The following VPS13B variants were observed in gnomAD, a reference collection of about 807,000 sequenced individuals.
VPS13B encodes the protein intermembrane lipid transfer protein VPS13B.
Under a neutral mutation model 426.4 loss-of-function variants are expected in VPS13B, and 285 were observed. The ratio of observed to expected loss-of-function variants is 0.67; its 90% CI spans 0.61 to 0.74. VPS13B has a LOEUF of 0.74. Among genes scored for constraint, VPS13B ranks in the 30% least tolerant of loss-of-function variants. VPS13B has a pLI of 0.00. For missense variants in VPS13B, 4,537 were observed against 4,782.6 expected, an observed-to-expected ratio of 0.95 and a Z score of 1.51; for synonymous variants, 1,676 against 1,676.4, an observed-to-expected ratio of 1.00 and a Z score of 0.01.
chr8:99,814,865 A>T (rs2130803013), intron 44 of VPS13B, among the ~76,000 whole-genome samples: 1 of 152,252 alleles, frequency 6.6e-6, no homozygotes, highest in East Asian at 1.9e-4. Context: ...TTTCTTTTTT[A>T]TGGTTTCTAA....
intron 16 of VPS13B, among the ~76,000 whole-genome samples, chr8:99,180,749 A>G (rs1269566987): frequency 2.6e-5 from 4 of 152,188 alleles, no homozygotes; most frequent in Non-Finnish European, 5.9e-5. Flanking sequence ...TGTGACTGCA[A>G]CATAGTAAAG....
chr8:99,208,709 A>G (rs1814888434), intron 17 of VPS13B, among the ~76,000 whole-genome samples: 1 of 152,230 alleles, frequency 6.6e-6, no homozygotes, highest in African/African-American at 2.4e-5. Flanking sequence ...TCATGATAAA[A>G]GTCTTATTAT....
chr8:99,086,214 T>A (rs1474928258), intron 3 of VPS13B, among the ~76,000 whole-genome samples: 1 of 152,202 alleles, frequency 6.6e-6, no homozygotes, highest in Non-Finnish European at 1.5e-5. Context: ...TCATTTGATC[T>A]CCCATCACTG....
chr8:99,178,335 C>T (rs1812753651), intron 16 of VPS13B, among the ~76,000 whole-genome samples: 1 of 138,402 alleles, frequency 7.2e-6, no homozygotes, highest in African/African-American at 2.7e-5. Context: ...AACAAATAAT[C>T]ATTGGCGGTT....
At chr8:99,026,755 G>C (rs1199755295) in intron 2 of VPS13B, among the ~76,000 whole-genome samples, 3 of 152,032 alleles carry the variant, frequency 2.0e-5, no homozygotes, top group Non-Finnish European at 4.4e-5. Context: ...CTGATATAAG[G>C]ATAACTACTC....
chr8:99,251,730 G>T (rs913010502), intron 17 of VPS13B, among the ~76,000 whole-genome samples: 1 of 151,998 alleles, frequency 6.6e-6, no homozygotes, highest in Non-Finnish European at 1.5e-5. Context: ...TGTCCTGAAA[G>T]ATATTGTGTA....
chr8:99,567,021 A>G (rs533827258), intron 31 of VPS13B, among the ~76,000 whole-genome samples: 1 of 152,130 alleles, frequency 6.6e-6, no homozygotes, highest in East Asian at 1.9e-4. Flanking sequence ...TCATCCTCCC[A>G]AAGCACTGGA....
At chr8:99,649,002 T>A (rs996126077) in intron 34 of VPS13B, among the ~76,000 whole-genome samples, 3 of 152,088 alleles carry the variant, frequency 2.0e-5, no homozygotes, top group African/African-American at 7.2e-5. Flanking sequence ...TGTAAAATTC[T>A]GGGTTGACAT....
chr8:99,028,188 C>G (rs1480317893), intron 2 of VPS13B, among the ~76,000 whole-genome samples: 3 of 151,912 alleles, frequency 2.0e-5, no homozygotes, highest in African/African-American at 7.3e-5. Flanking sequence ...TCCACAAAAC[C>G]GCCATTGTCA....
rs559765983 is a variant in VPS13B at position 99,873,638 on chromosome 8, A to G, written c.11746-1780A>G. 5.9e-5 allele frequency among the ~76,000 whole-genome samples: 9 copies of G among 152,314 alleles called. No homozygotes were observed. In the South Asian group the frequency reaches 1.2e-3, roughly 21 times the overall value. The stretch of plus-strand genomic sequence containing the variant: ...CTCTCTCCTGAAGTCATTAATAGGA[A>G]TAACTGCTGCCTTAATCCTATGTCT... On this transcript the variant is annotated intron_variant, in intron 61 of 61. Transcript: ENST00000357162.
At chr8:99,530,294 T>C (rs1269665902) in intron 30 of VPS13B, among the ~76,000 whole-genome samples, 1 of 152,180 alleles carries the variant, frequency 6.6e-6, no homozygotes. Flanking sequence ...CCTACCTTTA[T>C]GCAATTATAA....
At position 99,467,639 on chromosome 8, in the gene VPS13B, G is replaced by A. The variant is rs371568459; in HGVS notation, c.3666+5G>A. 25 of 1,606,950 alleles carry A rather than the reference G, an allele frequency of 1.6e-5. No homozygotes were observed. The highest frequency in any genetic ancestry group is 2.0e-5 in the Non-Finnish European group (24 of 1,179,066). On this transcript the variant is annotated splice_donor_5th_base_variant and intron_variant, in intron 24 of 61. Transcript: ENST00000357162. ...ATAAAATGCTCTAATCCCCAGGTTG[G>A]TACATTTGATTTATGAAAGGAAATT...
chr8:99,731,601 C>T (rs78570065), intron 39 of VPS13B, among the ~76,000 whole-genome samples: 123 of 151,964 alleles, frequency 8.1e-4, no homozygotes, highest in African/African-American at 2.9e-3. Context: ...TCAGGAGAGA[C>T]CAGAATAAGA....
chr8:99,554,412 C>T (rs1023757895), intron 30 of VPS13B, among the ~76,000 whole-genome samples: 2 of 151,890 alleles, frequency 1.3e-5, no homozygotes, highest in African/African-American at 4.8e-5. Flanking sequence ...TTTATGTGGC[C>T]CTGATTCAAA....
At chr8:99,113,234 G>T (rs1221598368) in intron 6 of VPS13B, among the ~76,000 whole-genome samples, 1 of 152,060 alleles carries the variant, frequency 6.6e-6, no homozygotes, top group African/African-American at 2.4e-5. Flanking sequence ...AAGTAGCTAG[G>T]ACTACAGGCG....
intron 35 of VPS13B, chr8:99,695,951 C>A (rs1831972412): frequency 1.3e-5 from 2 of 152,248 alleles, no homozygotes; most frequent in African/African-American, 4.8e-5. Flanking sequence ...ACCCAGAAGT[C>A]CAACTGCTGC....
intron 31 of VPS13B, among the ~76,000 whole-genome samples, chr8:99,562,761 G>A (rs748228221): frequency 7.9e-5 from 12 of 151,962 alleles, no homozygotes; most frequent in Admixed American, 1.3e-4. Context: ...ATGGGTTTCC[G>A]GTTGTGCTGT....
At chr8:99,089,308 GCCTT>G (rs1201890443) in intron 3 of VPS13B, among the ~76,000 whole-genome samples, 3 of 152,180 alleles carry the variant, frequency 2.0e-5, no homozygotes, top group Admixed American at 6.5e-5. Context: ...ATCCATCCCT[GCCTT>G]CCTTCCTTCT....
intron 2 of VPS13B, among the ~76,000 whole-genome samples, chr8:99,021,968 G>A (rs915379404): frequency 6.6e-6 from 1 of 152,056 alleles, no homozygotes; most frequent in Non-Finnish European, 1.5e-5. Flanking sequence ...AGGATCTGCT[G>A]TGATATCTTC....
Sources: allele counts gnomAD v4.1 joint callset (sites outside exome capture counted in the v4.1 genomes callset), GRCh38; gene constraint gnomAD v4.1.1; transcripts MANE v1.5; gene names NCBI Gene and HGNC (gene_info 2026-07-23, HGNC 2026-07-21).